Variants in SLCO1A2 observed in about 807,000 individuals in gnomAD.
SLCO1A2 encodes OATP-1.
A neutral mutation model predicts 69.0 loss-of-function variants in SLCO1A2; 67 were observed. That is an observed-to-expected ratio of 0.97 (90% confidence interval 0.80 to 1.19). The LOEUF is 1.19. Ranked by LOEUF, SLCO1A2 falls within the 50% of genes most tolerant of loss-of-function variation. The pLI is 0.00. For synonymous variants in SLCO1A2, 260 were observed against 265.9 expected (o/e 0.98, Z 0.22); for missense variants, 787 against 793.7 (o/e 0.99, Z 0.10).
rs567430211 is a variant in SLCO1A2, at chr12:21,402,244, A to G, written c.-312+15638T>C. ...AAGTACCATAAATAAGTTTTTAAAA[A>G]ATAGAGAACATGTTTGAAACGTATA... On this transcript the variant is annotated intron_variant, in intron 1 of 4. Coordinates refer to the SLCO1A2 transcript ENST00000413682. 4.6e-5 allele frequency among the ~76,000 whole-genome samples: 7 copies of G among 151,874 alleles called. No homozygotes were observed. In the South Asian group the frequency reaches 1.4e-3, roughly 31 times the overall value.
rs1947351893 is a variant in SLCO1A2 at position 21,294,154 on chromosome 12, C to A, written c.1272-44G>T. Reference sequence around the variant, plus strand: ...ATGCCATAGATATTAAAAGAGGATTCAATCCTTTTTTTCTTCTTTTCATCT... The same window carrying A: ...ATGCCATAGATATTAAAAGAGGATTAAATCCTTTTTTTCTTCTTTTCATCT... On this transcript the variant is annotated intron_variant, in intron 10 of 14. Coordinates refer to ENST00000683939, the MANE Select transcript of SLCO1A2 (RefSeq NM_001386879.1). 5.0e-6 allele frequency: 7 copies of A among 1,392,126 alleles called. No individual in the cohort carries two copies. The South Asian group carries it at 1.0e-4, about 20-fold the overall frequency. 86.2% of individuals were successfully genotyped at this position (1,392,126 alleles called of 1,614,324 possible). A position where few individuals can be genotyped will look rare whatever the true frequency, so the allele number is the denominator to read the frequency against.
chr12:21,358,412 T>G (rs1003333194), intron 2 of SLCO1A2, among the ~76,000 whole-genome samples: 2 of 152,218 alleles, frequency 1.3e-5, no homozygotes, highest in Admixed American at 6.5e-5. Context: ...GCAATACTAC[T>G]TTTAAACTAT....
intron 2 of SLCO1A2, among the ~76,000 whole-genome samples, chr12:21,325,306 A>G (rs1952133891): frequency 6.6e-6 from 1 of 151,990 alleles, no homozygotes; most frequent in South Asian, 2.1e-4. Context: ...TTCACAAGAT[A>G]TTTAGGTGAA....
intron 3 of SLCO1A2, among the ~76,000 whole-genome samples, chr12:21,315,833 G>A (rs1950800445): frequency 6.6e-6 from 1 of 152,176 alleles, no homozygotes. Flanking sequence ...AAGAAAGGAA[G>A]AACTTTCCTT....
At chr12:21,361,696 T>G (rs944928079) in intron 2 of SLCO1A2, among the ~76,000 whole-genome samples, 2 of 152,088 alleles carry the variant, frequency 1.3e-5, no homozygotes, top group African/African-American at 4.8e-5. Flanking sequence ...AGAGAAGTCC[T>G]TAAATGACCT....
At chr12:21,355,480 G>A (rs1468283036) in intron 2 of SLCO1A2, among the ~76,000 whole-genome samples, 1 of 152,166 alleles carries the variant, frequency 6.6e-6, no homozygotes, top group Non-Finnish European at 1.5e-5. Flanking sequence ...GTTGTTCTGG[G>A]AGAAAATACT....
At chr12:21,292,810 T>A (rs889580321) in intron 11 of SLCO1A2, among the ~76,000 whole-genome samples, 1 of 151,922 alleles carries the variant, frequency 6.6e-6, no homozygotes, top group Non-Finnish European at 1.5e-5. Context: ...GGCCAACTGG[T>A]CTCGAACTCC....
chr12:21,415,637 C>G (rs1941977053), intron 1 of SLCO1A2, among the ~76,000 whole-genome samples: 1 of 151,920 alleles, frequency 6.6e-6, no homozygotes, highest in African/African-American at 2.4e-5. Context: ...AATTGAGGAA[C>G]CTGAGATTGA....
At chr12:21,366,936 T>C (rs1939433320) in intron 2 of SLCO1A2, among the ~76,000 whole-genome samples, 1 of 151,748 alleles carries the variant, frequency 6.6e-6, no homozygotes, top group Non-Finnish European at 1.5e-5. Context: ...GAGACAAATA[T>C]CAAGAAAAAA....
chr12:21,378,458 T>G (rs758543378), intron 1 of SLCO1A2: 50 of 1,545,212 alleles, frequency 3.2e-5, no homozygotes, highest in Non-Finnish European at 1.8e-6. Context: ...TATTGTTTTA[T>G]GTTCTAGTGA....
rs143783884 is a variant in SLCO1A2, at chr12:21,273,005, A to C, written c.1793+1464T>G. 2.9e-3 allele frequency among the ~76,000 whole-genome samples: 447 copies of C among 152,182 alleles called. 1 individual carries two copies. Among genetic ancestry groups the C allele is most frequent in the African/African-American group, 9.9e-3 (410 of 41,538 alleles). ...CAAGGATGCTAACAGAAGATACAAG[A>C]CTCATAGGTCAGGGACAAAGGACTT... On this transcript the variant is annotated intron_variant, in intron 14 of 14. Coordinates refer to ENST00000683939, the MANE Select transcript of SLCO1A2 (RefSeq NM_001386879.1).
chr12:21,275,820 TA>T (rs1480064406), intron 12 of SLCO1A2, among the ~76,000 whole-genome samples: 1 of 151,966 alleles, frequency 6.6e-6, no homozygotes, highest in Non-Finnish European at 1.5e-5. Flanking sequence ...TGGGTGCCTG[TA>T]ATCCCAGCTA....
At chr12:21,352,861 G>C (rs1938069775) in intron 2 of SLCO1A2, among the ~76,000 whole-genome samples, 1 of 152,214 alleles carries the variant, frequency 6.6e-6, no homozygotes, top group African/African-American at 2.4e-5. Context: ...AAATATCTCA[G>C]TAAGCTTGGC....
chr12:21,309,045 T>C (rs563905751), intron 4 of SLCO1A2, among the ~76,000 whole-genome samples: 1 of 152,282 alleles, frequency 6.6e-6, no homozygotes, highest in African/African-American at 2.4e-5. Context: ...AGTATGTTCC[T>C]TAAAAAGGGA....
intron 4 of SLCO1A2, among the ~76,000 whole-genome samples, chr12:21,311,463 A>G (rs1950134356): frequency 6.6e-6 from 1 of 151,980 alleles, no homozygotes; most frequent in Non-Finnish European, 1.5e-5. Flanking sequence ...GTCTTACATA[A>G]TAAGACTTGA....
At chr12:21,278,038 G>C (rs7316412) in intron 12 of SLCO1A2, among the ~76,000 whole-genome samples, 142,883 of 152,192 alleles carry the variant, frequency 0.94, 67,668 homozygotes, top group Non-Finnish European at 1. Flanking sequence ...GAGTCCTGGC[G>C]TAGCAGCATT....
At chr12:21,366,033 G>A (rs1267456530) in intron 2 of SLCO1A2, among the ~76,000 whole-genome samples, 4 of 152,174 alleles carry the variant, frequency 2.6e-5, no homozygotes, top group Admixed American at 2.6e-4. Context: ...ATTTGACCCA[G>A]CCATCCCATT....
At chr12:21,272,809 G>GAATT (rs1291176206) in intron 14 of SLCO1A2, among the ~76,000 whole-genome samples, 2 of 152,024 alleles carry the variant, frequency 1.3e-5, no homozygotes. Context: ...TTTTTCTTAT[G>GAATT]AATTACCACT....
At chr12:21,344,101 A>T (rs1398196323) in intron 2 of SLCO1A2, among the ~76,000 whole-genome samples, 1 of 152,152 alleles carries the variant, frequency 6.6e-6, no homozygotes, top group African/African-American at 2.4e-5. Flanking sequence ...AAAATTAGAT[A>T]AATCTTGTTT....
Sources: allele counts gnomAD v4.1 joint callset (sites outside exome capture counted in the v4.1 genomes callset), GRCh38; gene constraint gnomAD v4.1.1; transcripts MANE v1.5; gene names NCBI Gene and HGNC (gene_info 2026-07-23, HGNC 2026-07-21).